Variants in EYS observed in about 807,000 individuals in gnomAD.
EYS encodes EGF-like photoreceptor maintenance factor, also known as protein eyes shut homolog.
Under a neutral mutation model 282.1 loss-of-function variants are expected in EYS, and 250 were observed. The observed-to-expected ratio is 0.89, with a 90% CI of 0.80 to 0.98. The LOEUF (loss-of-function observed/expected upper bound fraction) is 0.98, where lower values mean the gene tolerates loss of function less well. EYS is among the 50% of genes least tolerant of loss of function. The probability of loss-of-function intolerance (pLI) is 0.00; values close to 1 mark genes in which losing one functional copy is unlikely to be tolerated. For missense variants in EYS, 4,016 were observed against 3,709.0 expected (o/e 1.08, Z -2.15); for synonymous variants, 1,355 against 1,282.9 (o/e 1.06, Z -1.20).
At chr6:65,576,969 A>C (rs1324382831) in intron 2 of EYS, among the ~76,000 whole-genome samples, 3 of 151,908 alleles carry the variant, frequency 2.0e-5, no homozygotes, top group Admixed American at 2.0e-4. Flanking sequence ...AGAATAATTA[A>C]TATTGTTAAA....
At chr6:65,559,300 C>T (rs1336660800) in intron 2 of EYS, among the ~76,000 whole-genome samples, 2 of 152,020 alleles carry the variant, frequency 1.3e-5, no homozygotes, top group East Asian at 1.9e-4. Context: ...AAGAACTGCT[C>T]GAACCTGGGA....
chr6:64,578,137 CTGTT>C (rs2149822259), intron 26 of EYS, among the ~76,000 whole-genome samples: 1 of 152,188 alleles, frequency 6.6e-6, no homozygotes, highest in South Asian at 2.1e-4. Flanking sequence ...ACACACTGAT[CTGTT>C]CTCCATAGTA....
chr6:65,447,700 A>AATC (rs1310612534), intron 5 of EYS, among the ~76,000 whole-genome samples: 7 of 152,038 alleles, frequency 4.6e-5, no homozygotes, highest in African/African-American at 1.7e-4. Flanking sequence ...AACAACATTA[A>AATC]ATCAGACAAA....
chr6:64,692,285 T>C (rs1378297465), intron 22 of EYS, among the ~76,000 whole-genome samples: 1 of 152,182 alleles, frequency 6.6e-6, no homozygotes, highest in African/African-American at 2.4e-5. Flanking sequence ...TGTAGGCCAC[T>C]TGTATGCTTT....
intron 33 of EYS, among the ~76,000 whole-genome samples, chr6:64,005,531 G>C (rs575216109): frequency 1.3e-5 from 2 of 152,236 alleles, no homozygotes; most frequent in South Asian, 4.1e-4. Flanking sequence ...TCTTTGTCAT[G>C]AAATCTTTGC....
intron 2 of EYS, among the ~76,000 whole-genome samples, chr6:65,511,264 A>G (rs1766858306): frequency 6.6e-6 from 1 of 152,190 alleles, no homozygotes; most frequent in African/African-American, 2.4e-5. Flanking sequence ...TATTCTTTAA[A>G]GAGTATGTAA....
chr6:63,910,074 T>G lies in EYS; in HGVS notation c.7056-45716A>C, dbSNP rs1224880084. Among the ~76,000 whole-genome samples the G allele has an allele frequency of 6.6e-5, 10 of 152,188 alleles. No individual in the cohort carries two copies. In the East Asian group the frequency reaches 1.9e-3, roughly 29 times the overall value. On this transcript the variant is annotated intron_variant, in intron 35 of 42. Transcript: ENST00000503581. ...TGGACGAAGGAGGAAGAGGAGGAGCTTAAAAGAAGACTGAAAAATGGGAGA... is the reference window on the plus strand; with the variant it reads ...TGGACGAAGGAGGAAGAGGAGGAGCGTAAAAGAAGACTGAAAAATGGGAGA...
Position 65,212,996 on chromosome 6 carries a change from A to C in EYS, c.2023+82867T>G, listed in dbSNP as rs115129739. On this transcript the variant is annotated intron_variant, in intron 12 of 42. Transcript: ENST00000503581. ...TATAAAATCGATCGATGTTCGTTAC[A>C]TTTAAGTGGCAGGATTATTCAACTG... is the stretch of plus-strand genomic sequence containing the variant. Among the ~76,000 whole-genome samples the C allele has an allele frequency of 4.8e-3, 725 of 152,222 alleles. 8 individuals carry two copies. Among genetic ancestry groups the C allele is most frequent in the Middle Eastern group, 6.8e-3 (2 of 294 alleles).
intron 12 of EYS, among the ~76,000 whole-genome samples, chr6:65,103,660 T>G (rs868454592): frequency 7.3e-5 from 11 of 151,624 alleles, no homozygotes; most frequent in African/African-American, 2.7e-4. Flanking sequence ...ACCCACAAAG[T>G]TCACTGCTTC....
intron 1 of EYS, among the ~76,000 whole-genome samples, chr6:65,694,166 G>A (rs2149846643): frequency 6.6e-6 from 1 of 150,404 alleles, no homozygotes; most frequent in Non-Finnish European, 1.5e-5. Flanking sequence ...GCTGAGGCAG[G>A]AGAATTGCTT....
chr6:64,647,909 G>T (rs371879394), intron 22 of EYS, among the ~76,000 whole-genome samples: 1 of 151,972 alleles, frequency 6.6e-6, no homozygotes, highest in African/African-American at 2.4e-5. Flanking sequence ...TAAATAAATG[G>T]TTTTAAGGAA....
intron 41 of EYS, among the ~76,000 whole-genome samples, chr6:63,753,251 A>G (rs1022316807): frequency 4.6e-5 from 7 of 150,696 alleles, no homozygotes; most frequent in African/African-American, 1.2e-4. Flanking sequence ...AGCTGGGTAA[A>G]TTGTATAGGA....
intron 15 of EYS, among the ~76,000 whole-genome samples, chr6:64,943,966 A>G (rs1032427326): frequency 2.6e-5 from 4 of 152,134 alleles, no homozygotes; most frequent in Non-Finnish European, 4.4e-5. Context: ...GTAAGTCTAC[A>G]GTAACCAAAA....
At chr6:64,330,037 C>T (rs940803503) in intron 29 of EYS, among the ~76,000 whole-genome samples, 2 of 152,122 alleles carry the variant, frequency 1.3e-5, no homozygotes, top group Admixed American at 6.5e-5. Context: ...GAAGCACTAG[C>T]CCAGACCTGA....
intron 30 of EYS, among the ~76,000 whole-genome samples, chr6:64,241,860 T>C (rs1766844632): frequency 1.3e-5 from 2 of 152,206 alleles, no homozygotes; most frequent in Admixed American, 1.3e-4. Flanking sequence ...TGCACACTGC[T>C]TTAAATGTGT....
rs1380323953 is a variant in EYS at position 64,603,860 on chromosome 6, C to CGT, written c.3685-10552_3685-10551insAC. Among the ~76,000 whole-genome samples the CGT allele has an allele frequency of 7.4e-3, 728 of 98,426 alleles. 2 individuals carry two copies. Among genetic ancestry groups the CGT allele is most frequent in the Non-Finnish European group, 9.0e-3 (421 of 46,596 alleles). 64.6% of individuals were successfully genotyped at this position (98,426 alleles called of 152,430 possible). On this transcript the variant is annotated intron_variant, in intron 24 of 42. Transcript: ENST00000503581. ...TGTATACTACTAAAGTAAATGAATA[C>CGT]CTGTGTGTGTGTGTGTGTGTGTGTG...
At chr6:64,199,249 T>A (rs1562249887) in intron 31 of EYS, among the ~76,000 whole-genome samples, 1 of 152,130 alleles carries the variant, frequency 6.6e-6, no homozygotes, top group Non-Finnish European at 1.5e-5. Context: ...TAGACCAATG[T>A]AACAGAACAG....
At chr6:65,417,272 G>A (rs775466303) in intron 5 of EYS, among the ~76,000 whole-genome samples, 6 of 151,814 alleles carry the variant, frequency 4.0e-5, no homozygotes, top group Non-Finnish European at 8.8e-5. Context: ...AAAAATCAGA[G>A]AATTAACCTC....
chr6:64,961,692 T>A (rs749297713), intron 14 of EYS, among the ~76,000 whole-genome samples: 2 of 152,140 alleles, frequency 1.3e-5, no homozygotes, highest in African/African-American at 4.8e-5. Flanking sequence ...CTATTCATTT[T>A]ATTACATCAT....
Sources: gnomAD v4.1 joint callset for allele counts (sites outside exome capture counted in the v4.1 genomes callset) on GRCh38, gnomAD v4.1.1 for gene constraint, MANE v1.5 for transcripts, NCBI Gene and HGNC (gene_info 2026-07-23, HGNC 2026-07-21) for gene names.